ADORA2B: variants seen among roughly 807,000 people sequenced by gnomAD.
ADORA2B encodes adenosine receptor A2b.
ADORA2B carries 18 observed loss-of-function variants against 20.8 expected under a neutral mutation model. That is an observed-to-expected ratio of 0.87 (90% CI 0.60 to 1.29). The LOEUF (loss-of-function observed/expected upper bound fraction) is 1.29, where lower values mean the gene tolerates loss of function less well. ADORA2B is among the 50% of genes most tolerant of loss of function. ADORA2B has a pLI of 0.00. For synonymous variants in ADORA2B, 179 were observed against 178.3 expected (o/e 1.00, Z -0.03); for missense variants, 441 against 422.7 (o/e 1.04, Z -0.38).
chr17:15,952,353 C>G (rs1969915710), intron 1 of ADORA2B, among the ~76,000 whole-genome samples: 4 of 152,158 alleles, frequency 2.6e-5, no homozygotes, highest in Admixed American at 2.6e-4. Flanking sequence ...TCCCTAATCT[C>G]CTTTGATCTT....
chr17:15,880,599 A>AGGAGTTGGG, the ADORA2B span, among the ~76,000 whole-genome samples: 1 of 146,744 alleles, frequency 6.8e-6, no homozygotes, highest in Admixed American at 6.8e-5. Flanking sequence ...TGTGAGTTGG[A>AGGAGTTGGG]GGAGTTGGGG....
the ADORA2B span, among the ~76,000 whole-genome samples, chr17:15,855,258 C>T: frequency 6.6e-6 from 1 of 152,164 alleles, no homozygotes; most frequent in Non-Finnish European, 1.5e-5. Context: ...TCCCCCCCAA[C>T]AATCCTCTGG....
chr17:15,915,376 T>G, the ADORA2B span, among the ~76,000 whole-genome samples: 2 of 152,238 alleles, frequency 1.3e-5, no homozygotes, highest in Non-Finnish European at 2.9e-5. Context: ...TAATCACATC[T>G]GCAGAGTCCC....
At chr17:15,891,005 GC>G in the ADORA2B span, among the ~76,000 whole-genome samples, 11 of 152,194 alleles carry the variant, frequency 7.2e-5, no homozygotes, top group African/African-American at 2.4e-4. Context: ...AGTGGCTCAC[GC>G]CTGTAATCCC....
At chr17:15,892,729 A>G in the ADORA2B span, among the ~76,000 whole-genome samples, 1 of 151,122 alleles carries the variant, frequency 6.6e-6, no homozygotes, top group Non-Finnish European at 1.5e-5. Context: ...GGAGGCACCT[A>G]GAGGACCTCG....
the ADORA2B span, among the ~76,000 whole-genome samples, chr17:15,895,280 C>T: frequency 1.3e-5 from 2 of 152,302 alleles, no homozygotes; most frequent in East Asian, 1.9e-4. Flanking sequence ...CCATGCCTAT[C>T]GAATTTGACA....
chr17:15,929,330 G>T, the ADORA2B span, among the ~76,000 whole-genome samples: 389 of 152,346 alleles, frequency 2.6e-3, 4 homozygotes, highest in African/African-American at 8.9e-3. Flanking sequence ...AGAGCCAGGA[G>T]CACTTTCTGG....
chr17:15,969,137 C>T (rs1970156064), intron 1 of ADORA2B, among the ~76,000 whole-genome samples: 1 of 152,162 alleles, frequency 6.6e-6, no homozygotes, highest in African/African-American at 2.4e-5. Context: ...CACCTCCTCC[C>T]ATTCTTACCT....
At chr17:15,887,888 T>C in the ADORA2B span, among the ~76,000 whole-genome samples, 1 of 100,418 alleles carries the variant, frequency 1.0e-5, no homozygotes, top group Non-Finnish European at 1.9e-5. Context: ...GAGGCGGAGC[T>C]TGCAATGAGC....
At chr17:15,876,585 G>C in the ADORA2B span, among the ~76,000 whole-genome samples, 2 of 150,726 alleles carry the variant, frequency 1.3e-5, no homozygotes, top group South Asian at 4.2e-4. Flanking sequence ...CTTTACCCTG[G>C]TCCCCTAATT....
In ADORA2B at chr17:15,975,136, A is replaced by G. The variant is rs752008246; in HGVS notation, c.793A>G (p.Lys265Glu). Reference sequence around the variant, plus strand: ...CACTCTTTTCCAGCCAGCTCAGGGTAAAAATAAGCCCAAGTGGGCAATGAA... The same window carrying G: ...CACTCTTTTCCAGCCAGCTCAGGGTGAAAATAAGCCCAAGTGGGCAATGAA... ...CVTLFQPAQG[K>E]NKPKWAMNMA... Residue 265 changes from lysine (K) to glutamate (E), a missense_variant, in exon 2 of 2, where the codon AAA (lysine) becomes GAA (glutamate). By Grantham distance (56) the Lys-to-Glu change is moderately conservative. Coordinates refer to ENST00000304222, the MANE Select transcript of ADORA2B (RefSeq NM_000676.4). 3.1e-6 allele frequency: 5 copies of G among 1,614,214 alleles called. No individual in the cohort carries two copies. The South Asian group carries it at 3.3e-5, about 11-fold the overall frequency.
chr17:15,868,471 A>G, the ADORA2B span, among the ~76,000 whole-genome samples: 15 of 139,664 alleles, frequency 1.1e-4, 2 homozygotes, highest in Non-Finnish European at 1.8e-4. Flanking sequence ...TGTATTCTGT[A>G]TAAGAAATTG....
At chr17:15,897,379 G>GC in the ADORA2B span, among the ~76,000 whole-genome samples, 1 of 152,118 alleles carries the variant, frequency 6.6e-6, no homozygotes, top group Non-Finnish European at 1.5e-5. Flanking sequence ...TCCAGTCTGG[G>GC]CAACATAGCA....
At chr17:15,877,582 G>C in the ADORA2B span, among the ~76,000 whole-genome samples, 1 of 152,080 alleles carries the variant, frequency 6.6e-6, no homozygotes, top group South Asian at 2.1e-4. Flanking sequence ...AGGCCTGGGG[G>C]TGGAGAATGA....
chr17:15,905,543 CT>C, the ADORA2B span, among the ~76,000 whole-genome samples: 15 of 147,118 alleles, frequency 1.0e-4, no homozygotes, highest in South Asian at 2.2e-4. Context: ...CCAAACCCAG[CT>C]TTTTTTTTTG....
chr17:15,951,401 CCCTGTTA>C (rs889908825), intron 1 of ADORA2B, among the ~76,000 whole-genome samples: 11 of 152,330 alleles, frequency 7.2e-5, no homozygotes, highest in Non-Finnish European at 1.5e-4. Flanking sequence ...CCAGGAGCCA[CCCTGTTA>C]CCTGCATCAG....
chr17:15,859,917 C>G, the ADORA2B span, among the ~76,000 whole-genome samples: 1 of 152,208 alleles, frequency 6.6e-6, no homozygotes, highest in African/African-American at 2.4e-5. Flanking sequence ...TTGTCTTATG[C>G]CCAATTTCTG....
intron 1 of ADORA2B, among the ~76,000 whole-genome samples, chr17:15,958,243 C>T (rs1407696573): frequency 1.3e-5 from 2 of 152,184 alleles, no homozygotes; most frequent in Non-Finnish European, 2.9e-5. Context: ...GTCTCAAACT[C>T]CCAACGTCAG....
chr17:15,856,622 T>A, the ADORA2B span, among the ~76,000 whole-genome samples: 1 of 152,196 alleles, frequency 6.6e-6, no homozygotes, highest in East Asian at 1.9e-4. Context: ...AAAATGCTGA[T>A]ATGATGTGGA....
Sources: gnomAD v4.1 joint callset for allele counts (sites outside exome capture counted in the v4.1 genomes callset) on GRCh38, gnomAD v4.1.1 for gene constraint, MANE v1.5 for transcripts, NCBI Gene and HGNC (gene_info 2026-07-23, HGNC 2026-07-21) for gene names.